The following CRIM1 variants were observed in gnomAD, a reference collection of about 807,000 sequenced individuals.
The protein encoded by CRIM1 is cysteine-rich motor neuron 1 protein.
In CRIM1, 32 loss-of-function variants were observed where a neutral mutation model predicts 116.4. The ratio of observed to expected loss-of-function variants is 0.27; its 90% CI spans 0.21 to 0.37. The LOEUF (loss-of-function observed/expected upper bound fraction) is 0.37. Ranked by LOEUF, CRIM1 falls within the 10% of genes least tolerant of loss-of-function variation. The pLI, the probability that CRIM1 is intolerant of heterozygous loss-of-function variation, is 1.00. For missense variants in CRIM1, 1,331 were observed against 1,354.8 expected, an observed-to-expected ratio of 0.98 and a Z score of 0.28; for synonymous variants, 590 against 509.2, an observed-to-expected ratio of 1.16 and a Z score of -2.13.
chr2:36,530,151 C>T (rs991986480), intron 13 of CRIM1, among the ~76,000 whole-genome samples: 1 of 152,148 alleles, frequency 6.6e-6, no homozygotes, highest in Non-Finnish European at 1.5e-5. Flanking sequence ...GACAGAATGA[C>T]TGTGTATTAG....
chr2:36,437,862 G>T (rs755406717), intron 2 of CRIM1, among the ~76,000 whole-genome samples: 1 of 151,792 alleles, frequency 6.6e-6, no homozygotes, highest in Non-Finnish European at 1.5e-5. Context: ...AGCCGGGCGC[G>T]GTGGCTCACT....
At chr2:36,408,352 C>G (rs1382506163) in intron 2 of CRIM1, among the ~76,000 whole-genome samples, 3 of 152,188 alleles carry the variant, frequency 2.0e-5, no homozygotes, top group African/African-American at 4.8e-5. Context: ...TGTAGGTGAC[C>G]TCTCAGTTTT....
intron 1 of CRIM1, among the ~76,000 whole-genome samples, chr2:36,389,500 C>T (rs1039105570): frequency 2.0e-5 from 3 of 152,202 alleles, no homozygotes; most frequent in African/African-American, 7.2e-5. Flanking sequence ...CTTCTGCCAA[C>T]AGAATTCCAT....
chr2:36,498,904 T>G (rs1191133266), intron 7 of CRIM1, among the ~76,000 whole-genome samples: 1 of 152,246 alleles, frequency 6.6e-6, no homozygotes. Flanking sequence ...GTTAACAATT[T>G]AAACAGAGTT....
In CRIM1 at chr2:36,479,746, A is replaced by G. The variant is rs545705247; in HGVS notation, c.1372+52A>G. On this transcript the variant is annotated intron_variant, in intron 7 of 16. Transcript: ENST00000280527. ...CCTGGTGAATGTCTTCTGTTGGAGA[A>G]GCTTCTACCAGCGTACGTTCTTGTT... is the stretch of plus-strand genomic sequence containing the variant. 9.1e-6 allele frequency: 14 copies of G among 1,532,258 alleles called. No homozygotes were observed. The African/African-American group carries it at 1.8e-4, about 19-fold the overall frequency. 94.9% of individuals were successfully genotyped at this position (1,532,258 alleles called of 1,614,324 possible). A position where few individuals can be genotyped will look rare whatever the true frequency, so the allele number is the denominator to read the frequency against.
chr2:36,391,149 A>ATTTTTTT (rs1553371824), intron 1 of CRIM1, among the ~76,000 whole-genome samples: 1 of 38,082 alleles, frequency 2.6e-5, no homozygotes, highest in Non-Finnish European at 5.1e-5. Flanking sequence ...TTTTTTTTTG[A>ATTTTTTT]GTTGGAGTCT....
intron 1 of CRIM1, among the ~76,000 whole-genome samples, chr2:36,383,200 T>A (rs1003005968): frequency 6.6e-6 from 1 of 152,258 alleles, no homozygotes; most frequent in Non-Finnish European, 1.5e-5. Context: ...ATACCTGTTA[T>A]ATTTACATTT....
intron 14 of CRIM1, among the ~76,000 whole-genome samples, chr2:36,539,139 A>G (rs533595578): frequency 1.3e-5 from 2 of 152,270 alleles, no homozygotes; most frequent in South Asian, 4.2e-4. Context: ...AGCAAGACAG[A>G]GAGGCTGGGG....
chr2:36,372,301 A>G (rs1476526693), intron 1 of CRIM1, among the ~76,000 whole-genome samples: 1 of 152,196 alleles, frequency 6.6e-6, no homozygotes, highest in African/African-American at 2.4e-5. Context: ...CTATGACTTC[A>G]GAGACAGGAA....
At chr2:36,410,103 G>C (rs1673095640) in intron 2 of CRIM1, among the ~76,000 whole-genome samples, 1 of 152,172 alleles carries the variant, frequency 6.6e-6, no homozygotes, top group Non-Finnish European at 1.5e-5. Flanking sequence ...GCAGTAAGTG[G>C]TGCCTGTAAA....
At chr2:36,499,157 G>T in intron 7 of CRIM1, 62 bp from the exon 8 acceptor site, 1 of 1,325,596 alleles carries the variant, frequency 7.5e-7, no homozygotes, top group South Asian at 1.3e-5. Context: ...TTCAAAAATT[G>T]AATAGCATCT....
chr2:36,429,283 A>G (rs1244327156), intron 2 of CRIM1, among the ~76,000 whole-genome samples: 1 of 152,228 alleles, frequency 6.6e-6, no homozygotes, highest in African/African-American at 2.4e-5. Flanking sequence ...GTCCCGTGAC[A>G]TTTGAAAATG....
intron 1 of CRIM1, 119 bp from the exon 2 acceptor site, chr2:36,396,495 C>A: frequency 1.6e-6 from 1 of 606,610 alleles, no homozygotes; most frequent in Non-Finnish European, 2.8e-6. Flanking sequence ...GACTGCCTTT[C>A]ACAAATTGAT....
chr2:36,370,230 T>G (rs2148301968), intron 1 of CRIM1, among the ~76,000 whole-genome samples: 1 of 150,250 alleles, frequency 6.7e-6, no homozygotes, highest in East Asian at 2.0e-4. Context: ...TAGTATGCCA[T>G]CATTAAACAG....
chr2:36,376,997 C>A (rs1165934464), intron 1 of CRIM1, among the ~76,000 whole-genome samples: 1 of 152,194 alleles, frequency 6.6e-6, no homozygotes, highest in African/African-American at 2.4e-5. Context: ...TTTGTCTCTT[C>A]ATGGGTTGGT....
At position 36,550,252 on chromosome 2, in the gene CRIM1, T is replaced by TC. The variant is rs955334558; in HGVS notation, c.*1552dup. 4 of 143,132 alleles carry TC rather than the reference T, an allele frequency of 2.8e-5. No homozygotes were observed. The highest frequency in any genetic ancestry group is 4.6e-5 in the Non-Finnish European group (3 of 65,720). 8.9% of individuals were successfully genotyped at this position (143,132 alleles called of 1,614,324 possible). The stretch of plus-strand genomic sequence containing the variant: ...CTCCTGGATTTTTTTTTTTTTTTTT[T>TC]CAAACAATGGTTTGAAACAACTACT... On this transcript the variant is annotated 3_prime_UTR_variant, in exon 17 of 17. Transcript: ENST00000280527.
chr2:36,471,761 C>CA (rs72156127), intron 5 of CRIM1, among the ~76,000 whole-genome samples: 22,401 of 128,488 alleles, frequency 0.17, 1,825 homozygotes, highest in African/African-American at 0.21. Context: ...ACACACACAC[C>CA]ATCTTACAAT....
At position 36,544,471 on chromosome 2, in the gene CRIM1, G is replaced by GA; in HGVS notation, c.2723dup (p.Asn908LysfsTer2). ...GGTTCCCCTGTGGCCCACGCCTAGTGAAAATGATATCGTCCATCTCCCTAG... is the reference window on the plus strand; with the variant it reads ...GGTTCCCCTGTGGCCCACGCCTAGTGAAAAATGATATCGTCCATCTCCCTAG... On this transcript the variant is annotated frameshift_variant, in exon 15 of 17. Coordinates refer to ENST00000280527, the MANE Select transcript of CRIM1 (RefSeq NM_016441.3). LOFTEE classifies it high-confidence loss of function. The GA allele has an allele frequency of 7.2e-7, 1 of 1,388,518 alleles. No individual in the cohort carries two copies. Among genetic ancestry groups the GA allele is most frequent in the Non-Finnish European group, 9.4e-7 (1 of 1,065,252 alleles). 86.0% of individuals were successfully genotyped at this position (1,388,518 alleles called of 1,614,324 possible).
At chr2:36,539,765 TACG>T (rs965250230) in intron 14 of CRIM1, among the ~76,000 whole-genome samples, 1 of 151,766 alleles carries the variant, frequency 6.6e-6, no homozygotes, top group African/African-American at 2.4e-5. Flanking sequence ...CAAGGATGAC[TACG>T]ACATTTTGGT....
Sources: gnomAD v4.1 joint callset for allele counts (sites outside exome capture counted in the v4.1 genomes callset) on GRCh38, gnomAD v4.1.1 for gene constraint, MANE v1.5 for transcripts, NCBI Gene and HGNC (gene_info 2026-07-23, HGNC 2026-07-21) for gene names.